Variants in CCDC154 observed in about 807,000 individuals in gnomAD.
CCDC154 encodes the protein coiled-coil domain-containing protein 154.
In CCDC154, 91 loss-of-function variants were observed where a neutral mutation model predicts 87.5. That is an observed-to-expected ratio of 1.04 (90% CI 0.88 to 1.24). CCDC154 has a LOEUF of 1.24. CCDC154 is among the 50% of genes most tolerant of loss of function. CCDC154 has a pLI of 0.00. For synonymous variants in CCDC154, 418 were observed against 400.4 expected (o/e 1.04, Z -0.52); for missense variants, 903 against 879.2 (o/e 1.03, Z -0.34).
Position 1,438,862 on chromosome 16 carries a change from G to C in CCDC154, c.859C>G (p.Arg287Gly), listed in dbSNP as rs1402893879. The C allele has an allele frequency of 6.5e-7, 1 of 1,548,706 alleles. No individual in the cohort carries two copies. The highest frequency in any genetic ancestry group is 8.7e-7 in the Non-Finnish European group (1 of 1,146,560). The change falls in exon 8 of 17, where the codon CGG becomes GGG. Residue 287 changes from arginine to glycine, a missense_variant. Physicochemically the swap from Arg to Gly is moderately radical, Grantham distance 125. Transcript: ENST00000389176. ...CGCAGGCGCTCCTCCATCAGCCCCC[G>C]AAGCTTCTCCCACCGGCTCTCCAGC... Reference protein sequence around the residue: ...GELESRWEKLRGLMEERLRAL... With the variant: ...GELESRWEKLGGLMEERLRAL...
At position 1,440,468 on chromosome 16, in the gene CCDC154, G is replaced by A. The variant is rs572656609; in HGVS notation, c.676-1342C>T. Among the ~76,000 whole-genome samples, 5 of 147,706 alleles carry A rather than the reference G, an allele frequency of 3.4e-5. No individual in the cohort carries two copies. The South Asian group carries it at 8.7e-4, about 26-fold the overall frequency. ...CCATCTCAGAAAAGAAAAGAGAAGG[G>A]AAGAGAAGAGAAGAGAAGAGAACAG... On this transcript the variant is annotated intron_variant, in intron 6 of 16. Transcript: ENST00000389176.
chr16:1,434,384 C>T lies in CCDC154; in HGVS notation c.*24G>A, dbSNP rs78398531. On this transcript the variant is annotated 3_prime_UTR_variant, in exon 17 of 17. Transcript: ENST00000389176. ...CAGCACACATCAGGGAACCTCAGCT[C>T]TAATGAGTACAAAGCCAGCACGTTT... 5.2e-6 allele frequency: 8 copies of T among 1,548,498 alleles called. No homozygotes were observed. The East Asian group carries it at 1.7e-4, about 33-fold the overall frequency.
At chr16:1,438,309 A>G in intron 9 of CCDC154, 133 bp from the exon 10 acceptor site, 1 of 1,157,156 alleles carries the variant, frequency 8.6e-7, no homozygotes, top group Non-Finnish European at 1.2e-6. Flanking sequence ...GGGTGCGGTC[A>G]CAGTGCCACC....
chr16:1,440,692 T>C (rs1179876399), intron 6 of CCDC154, among the ~76,000 whole-genome samples: 2 of 151,874 alleles, frequency 1.3e-5, no homozygotes, highest in East Asian at 3.9e-4. Flanking sequence ...GGCTCACGCC[T>C]GTAATCCCAG....
At chr16:1,434,993 C>CA (rs2038487876) in intron 15 of CCDC154, 96 bp downstream of exon 15, 5 of 1,436,206 alleles carry the variant, frequency 3.5e-6, no homozygotes, top group South Asian at 1.3e-5. Context: ...CTTGGACAGA[C>CA]AGACACTGGC....
At chr16:1,439,499 C>T (rs2038532625) in intron 6 of CCDC154, among the ~76,000 whole-genome samples, 2 of 152,054 alleles carry the variant, frequency 1.3e-5, no homozygotes, top group Admixed American at 6.5e-5. Context: ...TGGGCAGAGC[C>T]TTGGGGCCTT....
At chr16:1,435,650 C>T (rs897910117) in intron 14 of CCDC154, among the ~76,000 whole-genome samples, 2 of 152,228 alleles carry the variant, frequency 1.3e-5, no homozygotes, top group African/African-American at 4.8e-5. Flanking sequence ...CTCAGCCTCC[C>T]GAGTAACTGG....
chr16:1,442,912 C>G lies in CCDC154; in HGVS notation c.519G>C (p.Glu173Asp), dbSNP rs758172770. 6.5e-7 allele frequency: 1 copy of G among 1,549,822 alleles called. No individual in the cohort carries two copies. The highest frequency in any genetic ancestry group is 2.4e-5 in the East Asian group (1 of 40,892). ...CGGCCTCTTGCTCGGCGCCCCTTCT[C>G]TCCGCCTCCTGTTGCACCTGCCTCC... is the stretch of plus-strand genomic sequence containing the variant. ...LRRRQVQQEA[E>D]RRGAEQEAGL... is the part of the protein sequence containing the mutation. Residue 173 changes from glutamate (E) to aspartate (D), a missense_variant, in exon 5 of 17, where the codon GAG (glutamate) becomes GAC (aspartate). Glu to Asp is a conservative substitution (Grantham distance 45). Transcript: ENST00000389176.
intron 13 of CCDC154, among the ~76,000 whole-genome samples, 169 bp from the exon 14 acceptor site, chr16:1,436,255 G>A (rs1223314769): frequency 1.3e-5 from 2 of 152,234 alleles, no homozygotes; most frequent in African/African-American, 2.4e-5. Context: ...GGGGGTAGAG[G>A]GAGGGGCTGG....
chr16:1,443,253 G>T lies in CCDC154; in HGVS notation c.455+8C>A, dbSNP rs895775961. ...CTGGGCCTGTGCCCCTAGGTGTGTG[G>T]GGGGTACCTTTTGTCCAGGGCCTGC... is the stretch of plus-strand genomic sequence containing the variant. On this transcript the variant is annotated splice_region_variant and intron_variant, in intron 4 of 16. Transcript: ENST00000389176. 2.0e-5 allele frequency: 31 copies of T among 1,548,366 alleles called. No homozygotes were observed. Among genetic ancestry groups the T allele is most frequent in the Non-Finnish European group, 2.1e-5 (24 of 1,146,400 alleles).
intron 1 of CCDC154, 92 bp from the exon 2 acceptor site, chr16:1,444,104 G>C: frequency 9.1e-7 from 1 of 1,095,216 alleles, no homozygotes; most frequent in African/African-American, 1.6e-5. Flanking sequence ...CAGGACCCTC[G>C]CCCACCACCC....
intron 6 of CCDC154, 38 bp from the exon 7 acceptor site, chr16:1,439,164 C>T: frequency 6.6e-7 from 1 of 1,522,170 alleles, no homozygotes; most frequent in Non-Finnish European, 8.9e-7. Flanking sequence ...GCAGCCTCTG[C>T]TGGACACGCA....
Position 1,443,998 on chromosome 16 carries a change from CA to C in CCDC154, c.21del (p.Ser7ArgfsTer12). On this transcript the variant is annotated frameshift_variant, in exon 2 of 17. Coordinates refer to ENST00000389176, the MANE Select transcript of CCDC154 (RefSeq NM_001143980.3). LOFTEE classifies it high-confidence loss of function. ...GAAGGGGCCGATGCCCCTGAGGGTC[CA>C]CTGTCAGCCAACTCTACAAGGAGGC... The part of the protein sequence containing the change: MSELAD[S>X]GPSGASAPSQ... 7.7e-7 allele frequency: 1 copy of C among 1,300,246 alleles called. No individual in the cohort carries two copies. The highest frequency in any genetic ancestry group is 1.0e-6 in the Non-Finnish European group (1 of 988,904). The allele number at this position is 1,300,246 out of a possible 1,614,324, so 80.5% of individuals were successfully genotyped here. A position where few individuals can be genotyped will look rare whatever the true frequency, so the allele number is the denominator to read the frequency against.
chr16:1,440,283 G>A (rs1361715021), intron 6 of CCDC154, among the ~76,000 whole-genome samples: 2 of 151,374 alleles, frequency 1.3e-5, no homozygotes, highest in African/African-American at 2.4e-5. Context: ...TCCTGTCTCT[G>A]CTAAAAATAC....
chr16:1,438,467 G>A (rs925461230), intron 9 of CCDC154, 152 bp downstream of exon 9: 1 of 797,614 alleles, frequency 1.3e-6, no homozygotes, highest in Non-Finnish European at 2.0e-6. Flanking sequence ...AGGGAGGAGG[G>A]TTCGCACCAT....
At chr16:1,440,758 A>G (rs191420249) in intron 6 of CCDC154, among the ~76,000 whole-genome samples, 34 of 151,830 alleles carry the variant, frequency 2.2e-4, no homozygotes, top group African/African-American at 7.0e-4. Flanking sequence ...AGACCATCCT[A>G]GCTAACACAG....
At position 1,438,751 on chromosome 16, in the gene CCDC154, G is replaced by A; in HGVS notation, c.907-14C>T. 1.3e-6 allele frequency: 2 copies of A among 1,548,586 alleles called. No individual in the cohort carries two copies. The highest frequency in any genetic ancestry group is 8.7e-7 in the Non-Finnish European group (1 of 1,146,206). The stretch of plus-strand genomic sequence containing the variant: ...GAGGTGGCTCTCCTGCCAGGGGGTG[G>A]AGGCCGCCCTGAGACCTGCACCCCG... On this transcript the variant is annotated splice_polypyrimidine_tract_variant and intron_variant, in intron 8 of 16. Transcript: ENST00000389176.
chr16:1,438,573 CA>C (rs1353309523), intron 9 of CCDC154, 45 bp downstream of exon 9: 11 of 1,511,108 alleles, frequency 7.3e-6, no homozygotes, highest in Non-Finnish European at 9.0e-6. Context: ...AGTGGGACAT[CA>C]GGGGTCCCCC....
rs1212453976 is a variant in CCDC154 at position 1,443,947 on chromosome 16, C to T, written c.73G>A (p.Asp25Asn). Residue 25 changes from aspartate (D) to asparagine (N), a missense_variant, in exon 2 of 17, where the codon GAC becomes AAC. Coordinates refer to ENST00000389176, the MANE Select transcript of CCDC154 (RefSeq NM_001143980.3). The stretch of plus-strand genomic sequence containing the variant: ...CCTCCTGCCAGGAGGAGCCCCAGGT[C>T]TTCCAGGGTGACGGCTCTCAGCTGG... ...PSQLRAVTLE[D>N]LGLLLAGGLA... is the part of the protein sequence containing the mutation. 2 of 1,303,658 alleles carry T rather than the reference C, an allele frequency of 1.5e-6. No homozygotes were observed. Among genetic ancestry groups the T allele is most frequent in the East Asian group, 5.5e-5 (1 of 18,040 alleles). The allele number at this position is 1,303,658 out of a possible 1,614,324, so 80.8% of individuals were successfully genotyped here. A position where few individuals can be genotyped will look rare whatever the true frequency, so the allele number is the denominator to read the frequency against.
Sources: gnomAD v4.1 joint callset for allele counts (sites outside exome capture counted in the v4.1 genomes callset) on GRCh38, gnomAD v4.1.1 for gene constraint, MANE v1.5 for transcripts, NCBI Gene and HGNC (gene_info 2026-07-23, HGNC 2026-07-21) for gene names.